FAM13A: variants seen among roughly 807,000 people sequenced by gnomAD.
The protein encoded by FAM13A is family with sequence similarity 13 member A.
In FAM13A, 76 loss-of-function variants were observed where a neutral mutation model predicts 129.6. That is an observed-to-expected ratio of 0.59 (90% CI 0.49 to 0.71). The LOEUF is 0.71. Ranked by LOEUF, FAM13A falls within the 30% of genes least tolerant of loss-of-function variation. The pLI is 0.00. For synonymous variants in FAM13A, 443 were observed against 449.9 expected, an observed-to-expected ratio of 0.98 and a Z score of 0.20; for missense variants, 1,108 against 1,249.3, an observed-to-expected ratio of 0.89 and a Z score of 1.70.
chr4:88,827,167 TCTTGACTTTTCTGAAACACTCAC>T (rs1381488911), intron 7 of FAM13A, among the ~76,000 whole-genome samples: 2 of 152,210 alleles, frequency 1.3e-5, no homozygotes, highest in African/African-American at 4.8e-5. Flanking sequence ...CCTCTCCTAC[TCTTGACTTTTCTGAAACACTCAC>T]CTTCAGTTTT....
chr4:88,812,107 T>C (rs913518311), intron 7 of FAM13A, among the ~76,000 whole-genome samples: 2 of 152,118 alleles, frequency 1.3e-5, no homozygotes, highest in Admixed American at 1.3e-4. Context: ...TTGTCAGATA[T>C]GAGACCTTTG....
chr4:88,755,734 A>G (rs1318362604), intron 14 of FAM13A, among the ~76,000 whole-genome samples: 2 of 152,194 alleles, frequency 1.3e-5, no homozygotes, highest in African/African-American at 4.8e-5. Context: ...CTTTTAGAGA[A>G]TTTCCTTTCC....
intron 1 of FAM13A, among the ~76,000 whole-genome samples, chr4:89,055,976 A>T (rs1347921462): frequency 6.6e-6 from 1 of 152,212 alleles, no homozygotes; most frequent in Non-Finnish European, 1.5e-5. Flanking sequence ...TCAGAATGCC[A>T]TCAGAAGCTA....
intron 3 of FAM13A, among the ~76,000 whole-genome samples, chr4:89,019,197 G>C (rs1429224104): frequency 6.6e-6 from 1 of 151,986 alleles, no homozygotes; most frequent in Non-Finnish European, 1.5e-5. Context: ...AAATATTTCT[G>C]GTACTTTCTT....
chr4:88,740,783 A>G (rs1177131221), intron 19 of FAM13A, among the ~76,000 whole-genome samples: 2 of 152,246 alleles, frequency 1.3e-5, no homozygotes, highest in Non-Finnish European at 2.9e-5. Context: ...ACAAGTTAGA[A>G]TAAGATCAAG....
In FAM13A at chr4:88,820,736, C is replaced by T. The variant is rs78300245; in HGVS notation, c.1008-15684G>A. On this transcript the variant is annotated intron_variant, in intron 7 of 23. Transcript: ENST00000264344. ...TAAAATGCAGATGCTCTCTCTGCTA[C>T]CTCCAGATTTGGATGCAGTGAGTCT... 3.0e-3 allele frequency among the ~76,000 whole-genome samples: 457 copies of T among 152,242 alleles called. 4 individuals carry two copies. Among genetic ancestry groups the T allele is most frequent in the South Asian group, 0.02 (98 of 4,816 alleles).
At chr4:88,800,479 G>C (rs997224215) in intron 8 of FAM13A, among the ~76,000 whole-genome samples, 1 of 152,060 alleles carries the variant, frequency 6.6e-6, no homozygotes, top group Admixed American at 6.6e-5. Context: ...GAGGTCAGGA[G>C]TTTGAGACCA....
At chr4:88,902,933 C>T (rs944550541) in intron 6 of FAM13A, among the ~76,000 whole-genome samples, 1 of 151,912 alleles carries the variant, frequency 6.6e-6, no homozygotes, top group African/African-American at 2.4e-5. Flanking sequence ...AAGAAATGTG[C>T]AAAAAATCAT....
intron 17 of FAM13A, 97 bp downstream of exon 17, chr4:88,748,854 CG>C: frequency 1.2e-6 from 1 of 858,134 alleles, no homozygotes; most frequent in Non-Finnish European, 2.0e-6. Flanking sequence ...CTTTAAGGAC[CG>C]GGGAATGCCT....
In FAM13A at chr4:88,878,443, CT is replaced by C. The variant is rs1373022506; in HGVS notation, c.844-27261del. Among the ~76,000 whole-genome samples the C allele has an allele frequency of 3.3e-5, 5 of 151,604 alleles. 1 individual carries two copies. The highest frequency in any genetic ancestry group is 1.3e-4 in the Admixed American group (2 of 15,220). ...TATACTGGTAATGCATTTTTTTCCTCTTCTAGACATGGATTAATGAGCCTGT... is the reference window on the plus strand; with the variant it reads ...TATACTGGTAATGCATTTTTTTCCTCTCTAGACATGGATTAATGAGCCTGT... On this transcript the variant is annotated intron_variant, in intron 6 of 23. Transcript: ENST00000264344.
At chr4:88,959,388 C>A (rs780389181) in intron 4 of FAM13A, among the ~76,000 whole-genome samples, 2 of 152,152 alleles carry the variant, frequency 1.3e-5, no homozygotes, top group African/African-American at 2.4e-5. Context: ...TCATGAATGG[C>A]TTGGGCCATC....
At chr4:88,874,551 G>C (rs994316565) in intron 6 of FAM13A, among the ~76,000 whole-genome samples, 3 of 152,118 alleles carry the variant, frequency 2.0e-5, no homozygotes, top group African/African-American at 7.2e-5. Context: ...TTGCTTCAAA[G>C]AGAATAAAAT....
intron 9 of FAM13A, among the ~76,000 whole-genome samples, chr4:88,790,292 A>G (rs1034067214): frequency 6.6e-6 from 1 of 152,140 alleles, no homozygotes; most frequent in African/African-American, 2.4e-5. Flanking sequence ...CTCCCAAAGT[A>G]CATTAGACTA....
chr4:88,976,252 T>C (rs1338368825), intron 4 of FAM13A, among the ~76,000 whole-genome samples: 2 of 152,184 alleles, frequency 1.3e-5, no homozygotes, highest in Non-Finnish European at 2.9e-5. Context: ...CTGATGACCA[T>C]TAACTGCCAG....
intron 7 of FAM13A, among the ~76,000 whole-genome samples, chr4:88,815,711 G>A (rs1375185867): frequency 6.6e-6 from 1 of 152,082 alleles, no homozygotes; most frequent in South Asian, 2.1e-4. Context: ...TTCCTTCAGT[G>A]TATCTCTATC....
At chr4:88,752,623 T>C (rs1742854960) in intron 14 of FAM13A, among the ~76,000 whole-genome samples, 1 of 151,982 alleles carries the variant, frequency 6.6e-6, no homozygotes. Context: ...ACAGGAGGTG[T>C]TTCATCATTT....
At chr4:88,758,692 A>C in intron 14 of FAM13A, 62 bp downstream of exon 14, 1 of 1,514,476 alleles carries the variant, frequency 6.6e-7, no homozygotes, top group Middle Eastern at 1.8e-4. Flanking sequence ...CATGCCTCTC[A>C]TTTGTGCTTA....
intron 4 of FAM13A, among the ~76,000 whole-genome samples, chr4:88,989,452 A>C (rs1762678598): frequency 6.6e-6 from 1 of 152,070 alleles, no homozygotes; most frequent in African/African-American, 2.4e-5. Context: ...AAATACAAAA[A>C]TTAATTGGGC....
At chr4:88,888,189 A>G (rs1216083882) in intron 6 of FAM13A, among the ~76,000 whole-genome samples, 3 of 152,058 alleles carry the variant, frequency 2.0e-5, no homozygotes, top group Non-Finnish European at 4.4e-5. Context: ...TTCTTTTTAA[A>G]TTTTCTACTT....
Sources: allele counts gnomAD v4.1 joint callset (sites outside exome capture counted in the v4.1 genomes callset), GRCh38; gene constraint gnomAD v4.1.1; transcripts MANE v1.5; gene names NCBI Gene and HGNC (gene_info 2026-07-23, HGNC 2026-07-21).